The following IL1RAPL1 variants were observed in gnomAD, a reference collection of about 807,000 sequenced individuals.
The protein encoded by IL1RAPL1 is interleukin-1 receptor accessory protein-like 1.
Under a neutral mutation model 48.4 loss-of-function variants are expected in IL1RAPL1, and 3 were observed. The observed-to-expected ratio is 0.06, with a 90% CI of 0.03 to 0.16. IL1RAPL1 has a LOEUF of 0.16. Ranked by LOEUF, IL1RAPL1 falls within the 10% of genes least tolerant of loss-of-function variation. IL1RAPL1 has a pLI of 1.00. For missense variants in IL1RAPL1, 349 were observed against 530.6 expected, an observed-to-expected ratio of 0.66 and a Z score of 3.36; for synonymous variants, 185 against 187.7, an observed-to-expected ratio of 0.99 and a Z score of 0.12.
chrX:29,087,460 C>G (rs753935999), intron 2 of IL1RAPL1, among the ~76,000 whole-genome samples: 1 of 111,157 alleles, frequency 9.0e-6, no homozygotes, highest in Non-Finnish European at 1.9e-5. Flanking sequence ...ATTTTATCGA[C>G]AGCAACTACA....
At chrX:28,672,010 G>C (rs1363233735) in intron 1 of IL1RAPL1, among the ~76,000 whole-genome samples, 2 of 112,225 alleles carry the variant, frequency 1.8e-5, no homozygotes, top group African/African-American at 3.2e-5. Flanking sequence ...TTTATATTCA[G>C]TAGTGTTTTT....
At chrX:29,862,271 A>G (rs938750442) in intron 6 of IL1RAPL1, among the ~76,000 whole-genome samples, 3 of 111,524 alleles carry the variant, frequency 2.7e-5, no homozygotes, top group African/African-American at 9.8e-5. Context: ...TTATTTCTTA[A>G]TATCAGTAAA....
At chrX:29,080,908 AT>A (rs1008129043) in intron 2 of IL1RAPL1, among the ~76,000 whole-genome samples, 1 of 97,003 alleles carries the variant, frequency 1.0e-5, no homozygotes, top group African/African-American at 3.9e-5. Context: ...ACATCCAGCT[AT>A]TTTTTTTAAA....
At chrX:29,102,647 C>T (rs920647934) in intron 2 of IL1RAPL1, among the ~76,000 whole-genome samples, 1 of 92,115 alleles carries the variant, frequency 1.1e-5, no homozygotes, top group East Asian at 3.6e-4. Context: ...GCCTGGGCAA[C>T]AAAAGCAAAA....
chrX:29,669,771 G>A (rs1926095062), intron 6 of IL1RAPL1, among the ~76,000 whole-genome samples: 1 of 111,572 alleles, frequency 9.0e-6, no homozygotes, highest in Non-Finnish European at 1.9e-5. Context: ...TGAGATGGAA[G>A]GTTACAGATA....
chrX:29,479,572 AC>A (rs1225567432), intron 5 of IL1RAPL1, among the ~76,000 whole-genome samples: 1 of 108,651 alleles, frequency 9.2e-6, no homozygotes, highest in African/African-American at 3.4e-5. Flanking sequence ...TTTTTTGGTT[AC>A]AAGGATTAGT....
intron 2 of IL1RAPL1, among the ~76,000 whole-genome samples, chrX:28,998,205 A>G (rs1363065471): frequency 2.7e-5 from 3 of 111,173 alleles, no homozygotes; most frequent in Non-Finnish European, 5.7e-5. Context: ...TAAAAAAAAA[A>G]GTTTTCACCT....
chrX:29,591,396 C>A (rs190163552), intron 5 of IL1RAPL1, among the ~76,000 whole-genome samples: 1 of 112,501 alleles, frequency 8.9e-6, no homozygotes, highest in East Asian at 2.8e-4. Flanking sequence ...TAAGCACAAC[C>A]CTGACGCTGT....
intron 6 of IL1RAPL1, among the ~76,000 whole-genome samples, chrX:29,803,933 A>G (rs893642340): frequency 2.2e-4 from 25 of 111,134 alleles, no homozygotes; most frequent in African/African-American, 7.2e-4. Context: ...ATTGGGCTTT[A>G]GATCTGAGTG....
At chrX:29,567,932 T>C (rs951591810) in intron 5 of IL1RAPL1, among the ~76,000 whole-genome samples, 6 of 110,761 alleles carry the variant, frequency 5.4e-5, no homozygotes, top group African/African-American at 2.0e-4. Flanking sequence ...AGAAACTGGC[T>C]GGATTGAGAG....
chrX:29,526,816 CATT>C (rs1935557472), intron 5 of IL1RAPL1, among the ~76,000 whole-genome samples: 1 of 112,127 alleles, frequency 8.9e-6, no homozygotes, highest in South Asian at 3.7e-4. Context: ...ATCACAACAT[CATT>C]AAGATGCCAC....
At chrX:28,649,466 A>AAAGTT (rs1934658796) in intron 1 of IL1RAPL1, among the ~76,000 whole-genome samples, 1 of 112,551 alleles carries the variant, frequency 8.9e-6, no homozygotes. Context: ...GCTGGTTTAA[A>AAAGTT]AAGTTAAGTA....
intron 2 of IL1RAPL1, among the ~76,000 whole-genome samples, chrX:28,941,605 A>T (rs370322276): frequency 1.1e-4 from 12 of 111,388 alleles, no homozygotes; most frequent in South Asian, 3.7e-4. Context: ...TGCTTTAAAA[A>T]TTTTAATGTG....
chrX:29,763,717 A>G (rs1347675764), intron 6 of IL1RAPL1, among the ~76,000 whole-genome samples: 1 of 111,265 alleles, frequency 9.0e-6, no homozygotes, highest in Non-Finnish European at 1.9e-5. Flanking sequence ...ACTTTGTGCT[A>G]CATTTTTATC....
rs202087459 is a variant in IL1RAPL1, at chrX:29,133,492, G to GTT, written c.83-149438_83-149437dup. Among the ~76,000 whole-genome samples, 6 of 109,547 alleles carry GTT rather than the reference G, an allele frequency of 5.5e-5. No homozygotes were observed. The Admixed American group carries it at 5.9e-4, about 11-fold the overall frequency. ...AATTTGAGTAGTTACTATGCTTTAG[G>GTT]TTTTTTTTTGGATTAATGCAGTTTA... On this transcript the variant is annotated intron_variant, in intron 2 of 10. Coordinates refer to ENST00000378993, the MANE Select transcript of IL1RAPL1 (RefSeq NM_014271.4).
intron 6 of IL1RAPL1, among the ~76,000 whole-genome samples, chrX:29,784,179 A>G (rs1157072543): frequency 8.9e-6 from 1 of 112,320 alleles, no homozygotes; most frequent in Admixed American, 9.4e-5. Context: ...GTAACATAGA[A>G]ACTTAATTTT....
chrX:29,207,686 T>C (rs941110360), intron 2 of IL1RAPL1, among the ~76,000 whole-genome samples: 1 of 111,809 alleles, frequency 8.9e-6, no homozygotes, highest in East Asian at 2.8e-4. Flanking sequence ...TATTCTTTTA[T>C]CATATTTGCC....
intron 6 of IL1RAPL1, among the ~76,000 whole-genome samples, chrX:29,784,479 GTAATAGCATTTTGTATGTTA>G (rs1376337716): frequency 9.0e-6 from 1 of 111,694 alleles, no homozygotes; most frequent in Admixed American, 9.5e-5. Context: ...TATTTGAAAT[GTAATAGCATTTTGTATGTTA>G]TAAGCATGCT....
At chrX:29,217,015 G>A (rs1182415733) in intron 2 of IL1RAPL1, among the ~76,000 whole-genome samples, 14 of 111,391 alleles carry the variant, frequency 1.3e-4, no homozygotes, top group African/African-American at 4.2e-4. Context: ...AAAGCCTTAT[G>A]GTAGTCATGC....
Sources: allele counts gnomAD v4.1 joint callset (sites outside exome capture counted in the v4.1 genomes callset), GRCh38; gene constraint gnomAD v4.1.1; transcripts MANE v1.5; gene names NCBI Gene and HGNC (gene_info 2026-07-23, HGNC 2026-07-21).